EPC2: variants seen among roughly 807,000 people sequenced by gnomAD.
EPC2 encodes enhancer of polycomb 2.
A neutral mutation model predicts 92.1 loss-of-function variants in EPC2; 14 were observed. That is an observed-to-expected ratio of 0.15 (90% CI 0.10 to 0.24). The LOEUF is 0.24. Among genes scored for constraint, EPC2 ranks in the 10% least tolerant of loss-of-function variants. The pLI, the probability that EPC2 is intolerant of heterozygous loss-of-function variation, is 1.00. For synonymous variants in EPC2, 340 were observed against 334.7 expected (o/e 1.02, Z -0.17); for missense variants, 755 against 971.5 (o/e 0.78, Z 2.96).
intron 2 of EPC2, among the ~76,000 whole-genome samples, chr2:148,728,839 T>G (rs1369366565): frequency 1.3e-5 from 2 of 151,518 alleles, no homozygotes; most frequent in Non-Finnish European, 2.9e-5. Flanking sequence ...GAGACCATCC[T>G]GGCTAACACA....
intron 2 of EPC2, among the ~76,000 whole-genome samples, chr2:148,709,924 G>A (rs2105383216): frequency 6.6e-6 from 1 of 152,140 alleles, no homozygotes; most frequent in South Asian, 2.1e-4. Flanking sequence ...TACCATTCAG[G>A]ACATAGGCAT....
At chr2:148,724,284 G>A (rs1280001467) in intron 2 of EPC2, among the ~76,000 whole-genome samples, 2 of 151,812 alleles carry the variant, frequency 1.3e-5, no homozygotes, top group Non-Finnish European at 2.9e-5. Context: ...TAGATATAAT[G>A]TACATATTTA....
intron 7 of EPC2, among the ~76,000 whole-genome samples, chr2:148,765,493 G>A (rs2382250): frequency 6.6e-6 from 1 of 151,996 alleles, no homozygotes; most frequent in Admixed American, 6.5e-5. Context: ...ATATATAATT[G>A]TAAATATTGA....
chr2:148,732,691 A>C (rs762822413), intron 2 of EPC2, among the ~76,000 whole-genome samples: 4 of 151,862 alleles, frequency 2.6e-5, no homozygotes, highest in African/African-American at 2.4e-5. Context: ...ATTTTTGTCT[A>C]TTTTTAATAT....
intron 10 of EPC2, 31 bp from the exon 11 acceptor site, chr2:148,781,613 A>T: frequency 1.3e-6 from 2 of 1,593,072 alleles, no homozygotes; most frequent in Non-Finnish European, 1.7e-6. Flanking sequence ...TTTAAAACGT[A>T]CTCATTTCCA....
At chr2:148,646,542 A>C (rs983675429) in intron 1 of EPC2, among the ~76,000 whole-genome samples, 2 of 151,332 alleles carry the variant, frequency 1.3e-5, no homozygotes, top group African/African-American at 4.9e-5. Context: ...TATAATCAAA[A>C]CCCAGCATTT....
At chr2:148,692,677 C>T (rs932226425) in intron 2 of EPC2, 5 of 152,106 alleles carry the variant, frequency 3.3e-5, no homozygotes, top group African/African-American at 1.2e-4. Context: ...TTTTAAGGAT[C>T]TCTCTTAAGC....
chr2:148,698,901 C>G (rs1405048111), intron 2 of EPC2, among the ~76,000 whole-genome samples: 1 of 149,362 alleles, frequency 6.7e-6, no homozygotes, highest in Non-Finnish European at 1.5e-5. Flanking sequence ...CGCTTTTTCA[C>G]TGACTGTCAT....
At chr2:148,659,075 T>C (rs1680881839) in intron 1 of EPC2, among the ~76,000 whole-genome samples, 1 of 152,074 alleles carries the variant, frequency 6.6e-6, no homozygotes, top group African/African-American at 2.4e-5. Context: ...AACTGTGATT[T>C]CTGACTGCAT....
chr2:148,693,351 C>G (rs1681680608), intron 2 of EPC2, among the ~76,000 whole-genome samples: 1 of 152,142 alleles, frequency 6.6e-6, no homozygotes, highest in South Asian at 2.1e-4. Context: ...AAGCCTCCTT[C>G]TTGCCCTAGT....
At chr2:148,667,972 C>T (rs914539511) in intron 1 of EPC2, among the ~76,000 whole-genome samples, 8 of 152,130 alleles carry the variant, frequency 5.3e-5, no homozygotes, top group African/African-American at 1.9e-4. Flanking sequence ...GATCTCGGCT[C>T]ACCACGACCT....
chr2:148,689,066 A>T (rs1000292709), intron 1 of EPC2, among the ~76,000 whole-genome samples: 5 of 152,212 alleles, frequency 3.3e-5, no homozygotes, highest in African/African-American at 1.2e-4. Context: ...TTGAAAGCAG[A>T]CCGTTTGGAT....
intron 2 of EPC2, among the ~76,000 whole-genome samples, chr2:148,719,984 G>A (rs1558819680): frequency 1.3e-5 from 2 of 152,320 alleles, no homozygotes; most frequent in East Asian, 3.9e-4. Context: ...GAGTGGATTG[G>A]GGGTCCTGAT....
At chr2:148,757,447 T>A (rs780096919) in intron 4 of EPC2, among the ~76,000 whole-genome samples, 1 of 152,198 alleles carries the variant, frequency 6.6e-6, no homozygotes. Flanking sequence ...CATACATATA[T>A]TACATACATA....
chr2:148,672,190 A>G (rs1158964898), intron 1 of EPC2, among the ~76,000 whole-genome samples: 1 of 152,120 alleles, frequency 6.6e-6, no homozygotes, highest in Non-Finnish European at 1.5e-5. Context: ...GAATTAACTC[A>G]TTTGTCTTTA....
chr2:148,715,294 A>G (rs965212042), intron 2 of EPC2, among the ~76,000 whole-genome samples: 1 of 152,088 alleles, frequency 6.6e-6, no homozygotes, highest in Non-Finnish European at 1.5e-5. Flanking sequence ...CGGCCTCCCA[A>G]ATTGCTGGGA....
At chr2:148,718,169 T>C (rs1487461495) in intron 2 of EPC2, among the ~76,000 whole-genome samples, 1 of 152,212 alleles carries the variant, frequency 6.6e-6, no homozygotes, top group African/African-American at 2.4e-5. Context: ...GAAGGTAGCG[T>C]AGCAATGGGT....
At chr2:148,760,619 C>T (rs1331975368) in intron 4 of EPC2, among the ~76,000 whole-genome samples, 2 of 152,054 alleles carry the variant, frequency 1.3e-5, no homozygotes, top group African/African-American at 2.4e-5. Flanking sequence ...TTTAGATTTA[C>T]CTTTTGTCAT....
chr2:148,645,311 AGTAGCG>A, intron 1 of EPC2, 141 bp downstream of exon 1: 1 of 749,074 alleles, frequency 1.3e-6, no homozygotes, highest in Non-Finnish European at 2.1e-6. Flanking sequence ...ACGCCGGCGG[AGTAGCG>A]TAAACCCTCT....
Sources: allele counts gnomAD v4.1 joint callset (sites outside exome capture counted in the v4.1 genomes callset), GRCh38; gene constraint gnomAD v4.1.1; transcripts MANE v1.5; gene names NCBI Gene and HGNC (gene_info 2026-07-23, HGNC 2026-07-21).